The following MALRD1 variants were observed in gnomAD, a reference collection of about 807,000 sequenced individuals.
MALRD1 encodes the protein MAM and LDL-receptor class A domain-containing protein 1.
A neutral mutation model predicts 242.1 loss-of-function variants in MALRD1; 247 were observed. The ratio of observed to expected loss-of-function variants is 1.02; its 90% CI spans 0.92 to 1.13. The LOEUF (loss-of-function observed/expected upper bound fraction) is 1.13. Ranked by LOEUF, MALRD1 falls within the 50% of genes most tolerant of loss-of-function variation. The pLI is 0.00. For missense variants in MALRD1, 2,989 were observed against 2,533.1 expected, an observed-to-expected ratio of 1.18 and a Z score of -3.86; for synonymous variants, 995 against 866.6, an observed-to-expected ratio of 1.15 and a Z score of -2.60.
At chr10:19,179,266 T>A (rs1835391115) in intron 14 of MALRD1, among the ~76,000 whole-genome samples, 1 of 152,196 alleles carries the variant, frequency 6.6e-6, no homozygotes. Flanking sequence ...ACATTTTCAG[T>A]CAAACAAGAT....
At chr10:19,515,548 T>TA (rs201431088) in intron 31 of MALRD1, among the ~76,000 whole-genome samples, 82 of 150,772 alleles carry the variant, frequency 5.4e-4, no homozygotes, top group African/African-American at 1.5e-3. Flanking sequence ...ACTTTCTCTT[T>TA]TTTTTAATTT....
At chr10:19,595,992 T>A (rs919741508) in intron 34 of MALRD1, among the ~76,000 whole-genome samples, 4 of 152,208 alleles carry the variant, frequency 2.6e-5, no homozygotes, top group African/African-American at 4.8e-5. Flanking sequence ...TTCATCCCTG[T>A]TACTTACTAT....
chr10:19,722,590 T>TTAAAAAAAAAAAAAAAA (rs1834813946), intron 38 of MALRD1: 1 of 45,366 alleles, frequency 2.2e-5, no homozygotes, highest in Non-Finnish European at 3.6e-5. Flanking sequence ...ACCATGTCTC[T>TTAAAAAAAAAAAAAAAA]AAAAAAAAAA....
intron 12 of MALRD1, among the ~76,000 whole-genome samples, chr10:19,165,257 A>G (rs955483148): frequency 9.1e-6 from 1 of 110,360 alleles, no homozygotes; most frequent in Admixed American, 1.0e-4. Flanking sequence ...ATATATATAT[A>G]TATATATATT....
At position 19,665,665 on chromosome 10, in the gene MALRD1, G is replaced by A. The variant is rs138758731; in HGVS notation, c.6138-26617G>A. Reference sequence around the variant, plus strand: ...TCCCTGAAATTCTACTAAAACGTGGGCATTCAGGGCTTTAACTTAAACATT... The same window carrying A: ...TCCCTGAAATTCTACTAAAACGTGGACATTCAGGGCTTTAACTTAAACATT... On this transcript the variant is annotated intron_variant, in intron 36 of 39. Transcript: ENST00000454679. Among the ~76,000 whole-genome samples the A allele has an allele frequency of 2.6e-3, 400 of 152,026 alleles. 1 individual carries two copies. Among genetic ancestry groups the A allele is most frequent in the African/African-American group, 9.3e-3 (386 of 41,480 alleles).
chr10:19,519,817 C>T (rs899871295), intron 31 of MALRD1, among the ~76,000 whole-genome samples: 15 of 152,030 alleles, frequency 9.9e-5, no homozygotes, highest in Admixed American at 5.2e-4. Flanking sequence ...TATATTTGTT[C>T]AATGATTAAG....
At chr10:19,479,336 G>C (rs1836884272) in intron 29 of MALRD1, among the ~76,000 whole-genome samples, 1 of 152,166 alleles carries the variant, frequency 6.6e-6, no homozygotes, top group Non-Finnish European at 1.5e-5. Flanking sequence ...TGGGTCTGAG[G>C]CACGTCAGAT....
intron 2 of MALRD1, among the ~76,000 whole-genome samples, chr10:19,072,924 T>C (rs1236713592): frequency 3.9e-5 from 6 of 152,040 alleles, no homozygotes; most frequent in Non-Finnish European, 8.8e-5. Flanking sequence ...CCCCCCTTTT[T>C]TTTCTGGTTA....
In MALRD1 at chr10:19,064,266, A is replaced by G. The variant is rs1325684543; in HGVS notation, c.200-2453A>G. On this transcript the variant is annotated intron_variant, in intron 1 of 39. Transcript: ENST00000454679. ...CATTATATTGTCCAACTGTGGCGTT[A>G]TTAATTCAAACTATTTAGTGATGGC... 2.6e-5 allele frequency among the ~76,000 whole-genome samples: 4 copies of G among 152,358 alleles called. No individual in the cohort carries two copies. The East Asian group carries it at 5.8e-4, about 22-fold the overall frequency.
intron 14 of MALRD1, among the ~76,000 whole-genome samples, chr10:19,202,465 A>C (rs1252211982): frequency 1.3e-5 from 2 of 152,160 alleles, no homozygotes; most frequent in East Asian, 3.9e-4. Flanking sequence ...TGATATTTTT[A>C]TCATTGGGTT....
chr10:19,204,484 C>A, intron 16 of MALRD1, 71 bp downstream of exon 16: 1 of 1,005,526 alleles, frequency 9.9e-7, no homozygotes, highest in Non-Finnish European at 1.5e-6. Context: ...GCAGGCATAC[C>A]TCTGCACTTA....
chr10:19,292,164 A>G (rs1196083686), intron 21 of MALRD1, among the ~76,000 whole-genome samples: 1 of 151,762 alleles, frequency 6.6e-6, no homozygotes, highest in African/African-American at 2.4e-5. Context: ...GGAAAACTCT[A>G]CCCTGAGTCA....
chr10:19,309,448 C>T (rs188376359), intron 21 of MALRD1, among the ~76,000 whole-genome samples: 3 of 151,604 alleles, frequency 2.0e-5, no homozygotes, highest in African/African-American at 4.8e-5. Context: ...ATAGGGTTCT[C>T]TACAGTATAT....
chr10:19,110,205 G>T (rs556123114), intron 5 of MALRD1, among the ~76,000 whole-genome samples: 2 of 152,194 alleles, frequency 1.3e-5, no homozygotes, highest in South Asian at 4.1e-4. Context: ...TCTCTAGTCA[G>T]TTGTCTTGCT....
rs1315077681 is a variant in MALRD1 at position 19,498,438 on chromosome 10, T to C, written c.5159-47T>C. ...ATCCCAAATATAGGGTAGTAGCAAATGTGATAGACATTTCCAGAAATTCCA... is the reference window on the plus strand; with the variant it reads ...ATCCCAAATATAGGGTAGTAGCAAACGTGATAGACATTTCCAGAAATTCCA... On this transcript the variant is annotated intron_variant, in intron 30 of 39. Transcript: ENST00000454679. 9.3e-6 allele frequency: 14 copies of C among 1,497,550 alleles called. 1 individual carries two copies. In the South Asian group the frequency reaches 1.7e-4, roughly 19 times the overall value. 92.8% of individuals were successfully genotyped at this position (1,497,550 alleles called of 1,614,324 possible).
At chr10:19,501,359 T>C (rs1004056058) in intron 31 of MALRD1, among the ~76,000 whole-genome samples, 1 of 152,102 alleles carries the variant, frequency 6.6e-6, no homozygotes, top group East Asian at 1.9e-4. Context: ...AAAGCCAAAA[T>C]ATCTTTAGAA....
At chr10:19,568,906 G>A (rs567681870) in intron 33 of MALRD1, among the ~76,000 whole-genome samples, 2 of 151,986 alleles carry the variant, frequency 1.3e-5, no homozygotes, top group East Asian at 1.9e-4. Flanking sequence ...GCACATGTTA[G>A]TACATTTATT....
At chr10:19,697,146 A>C (rs1311737067) in intron 38 of MALRD1, among the ~76,000 whole-genome samples, 1 of 152,020 alleles carries the variant, frequency 6.6e-6, no homozygotes, top group Non-Finnish European at 1.5e-5. Context: ...AGAGACAGAG[A>C]GAGAAAGAGA....
At chr10:19,119,975 C>T (rs1014874591) in intron 5 of MALRD1, among the ~76,000 whole-genome samples, 1 of 151,708 alleles carries the variant, frequency 6.6e-6, no homozygotes, top group Non-Finnish European at 1.5e-5. Flanking sequence ...AGACCTATTT[C>T]TGTGACCCGA....
Sources: gnomAD v4.1 joint callset for allele counts (sites outside exome capture counted in the v4.1 genomes callset) on GRCh38, gnomAD v4.1.1 for gene constraint, MANE v1.5 for transcripts, NCBI Gene and HGNC (gene_info 2026-07-23, HGNC 2026-07-21) for gene names.